Variants in RUFY2 observed in about 807,000 individuals in gnomAD.
RUFY2 encodes the protein RUN and FYVE domain containing 2, also known as RUN and FYVE domain-containing protein 2.
A neutral mutation model predicts 94.4 loss-of-function variants in RUFY2; 49 were observed. The observed-to-expected ratio is 0.52, with a 90% CI of 0.41 to 0.66. RUFY2 has a LOEUF of 0.66. RUFY2 is among the 30% of genes least tolerant of loss of function. The pLI, the probability that RUFY2 is intolerant of heterozygous loss-of-function variation, is 0.00. For synonymous variants in RUFY2, 255 were observed against 235.7 expected (o/e 1.08, Z -0.75); for missense variants, 541 against 692.8 (o/e 0.78, Z 2.46).
intron 13 of RUFY2, among the ~76,000 whole-genome samples, chr10:68,369,468 G>A (rs1353490524): frequency 1.4e-5 from 2 of 140,050 alleles, no homozygotes; most frequent in African/African-American, 2.7e-5. Context: ...CTGGGCAACA[G>A]AGCCAGACCT....
At chr10:68,398,325 CAT>C (rs1273957853) in intron 3 of RUFY2, among the ~76,000 whole-genome samples, 1 of 152,056 alleles carries the variant, frequency 6.6e-6, no homozygotes, top group Non-Finnish European at 1.5e-5. Context: ...AATTAAATCT[CAT>C]ACCTCTCTTA....
At chr10:68,350,873 C>T (rs1014768111) in intron 16 of RUFY2, among the ~76,000 whole-genome samples, 5 of 151,600 alleles carry the variant, frequency 3.3e-5, no homozygotes, top group African/African-American at 7.3e-5. Context: ...CCACTATGCC[C>T]GGCTAATTTT....
intron 4 of RUFY2, among the ~76,000 whole-genome samples, chr10:68,395,510 T>A (rs991657932): frequency 6.6e-6 from 1 of 152,200 alleles, no homozygotes; most frequent in African/African-American, 2.4e-5. Context: ...AATGAACATA[T>A]GCAACATTTC....
At chr10:68,364,881 G>C (rs1483486786) in intron 13 of RUFY2, among the ~76,000 whole-genome samples, 3 of 151,346 alleles carry the variant, frequency 2.0e-5, no homozygotes, top group African/African-American at 7.3e-5. Context: ...GTGCTAGCTG[G>C]CAAAGCAAAC....
At chr10:68,378,229 A>G (rs771819613) in intron 12 of RUFY2, 15 of 1,015,626 alleles carry the variant, frequency 1.5e-5, no homozygotes, top group Non-Finnish European at 1.8e-5. Flanking sequence ...CCAACACAGT[A>G]TAAAACTGAA....
At chr10:68,377,056 T>C (rs991194793) in intron 12 of RUFY2, 84 bp from the exon 13 acceptor site, 3 of 1,559,744 alleles carry the variant, frequency 1.9e-6, no homozygotes, top group African/African-American at 2.8e-5. Flanking sequence ...AAAAGAAAAA[T>C]GGGGAAATAG....
intron 3 of RUFY2, among the ~76,000 whole-genome samples, chr10:68,399,276 G>A (rs1363659436): frequency 1.8e-4 from 27 of 151,790 alleles, no homozygotes; most frequent in Admixed American, 1.6e-3. Flanking sequence ...GAACTCTTGG[G>A]CTCAGGCAAT....
intron 13 of RUFY2, among the ~76,000 whole-genome samples, chr10:68,364,877 G>C (rs6480328): frequency 0.7 from 105,392 of 151,510 alleles, 38,534 homozygotes; most frequent in East Asian, 0.85. Flanking sequence ...ACAGGTGCTA[G>C]CTGGCAAAGC....
intron 1 of RUFY2, chr10:68,406,966 G>A (rs1169934123): frequency 5.2e-6 from 8 of 1,543,612 alleles, no homozygotes; most frequent in South Asian, 2.4e-5. Flanking sequence ...CTATGCCTCA[G>A]AACCCGGGCG....
intron 13 of RUFY2, among the ~76,000 whole-genome samples, chr10:68,368,059 G>A (rs575680978): frequency 1.3e-4 from 20 of 149,960 alleles, no homozygotes; most frequent in African/African-American, 4.2e-4. Flanking sequence ...TCCGCCTCCC[G>A]GGTTCAAGTA....
chr10:68,392,765 CA>C (rs34336651), intron 7 of RUFY2, among the ~76,000 whole-genome samples: 33,237 of 113,148 alleles, frequency 0.29, 5,275 homozygotes, highest in African/African-American at 0.52. Flanking sequence ...TACTAAAATA[CA>C]AAAAAAAAAA....
intron 13 of RUFY2, among the ~76,000 whole-genome samples, chr10:68,369,497 CAA>C (rs55718835): frequency 0.073 from 10,505 of 143,898 alleles, 611 homozygotes; most frequent in South Asian, 0.2. Flanking sequence ...AAAAAAAAAA[CAA>C]AAAAAAAAAC....
chr10:68,355,080 C>G (rs1416012415), intron 16 of RUFY2, among the ~76,000 whole-genome samples: 2 of 152,268 alleles, frequency 1.3e-5, no homozygotes, highest in East Asian at 1.9e-4. Flanking sequence ...CTCCTGACCT[C>G]AAATGACCCA....
intron 16 of RUFY2, among the ~76,000 whole-genome samples, chr10:68,351,597 GTGCCACCACACTCAGCTAATT>G (rs2046680308): frequency 6.6e-6 from 1 of 151,178 alleles, no homozygotes; most frequent in Non-Finnish European, 1.5e-5. Context: ...CTACAGGTGC[GTGCCACCACACTCAGCTAATT>G]TTTGTATTTT....
intron 13 of RUFY2, 76 bp downstream of exon 13, chr10:68,376,777 T>C: frequency 4.4e-6 from 6 of 1,354,306 alleles, no homozygotes; most frequent in Middle Eastern, 1.9e-4. Context: ...AAAATATTGG[T>C]ATTCTATCAT....
At chr10:68,382,631 G>A (rs2049156367) in intron 10 of RUFY2, among the ~76,000 whole-genome samples, 3 of 150,308 alleles carry the variant, frequency 2.0e-5, no homozygotes, top group African/African-American at 4.9e-5. Context: ...GGAGAATGGC[G>A]TGAACCTGGG....
At chr10:68,381,765 T>A (rs2049074004) in intron 10 of RUFY2, among the ~76,000 whole-genome samples, 1 of 152,056 alleles carries the variant, frequency 6.6e-6, no homozygotes, top group Non-Finnish European at 1.5e-5. Flanking sequence ...AAAGAATCAC[T>A]CGAACCCAGG....
intron 7 of RUFY2, among the ~76,000 whole-genome samples, chr10:68,391,969 AAAACAAACAAAC>A (rs770942164): frequency 6.6e-6 from 1 of 151,978 alleles, no homozygotes; most frequent in African/African-American, 2.4e-5. Context: ...CTGTCTCAAA[AAAACAAACAAAC>A]AAACAAACAA....
chr10:68,341,431 A>G (rs2045929608), downstream of RUFY2: 4 of 1,129,920 alleles, frequency 3.5e-6, no homozygotes, highest in Non-Finnish European at 3.9e-6. Flanking sequence ...GACCTCTATA[A>G]TGGCTTTCTG....
Sources: allele counts gnomAD v4.1 joint callset (sites outside exome capture counted in the v4.1 genomes callset), GRCh38; gene constraint gnomAD v4.1.1; transcripts MANE v1.5; gene names NCBI Gene and HGNC (gene_info 2026-07-23, HGNC 2026-07-21).